BMPR1B: variants seen among roughly 807,000 people sequenced by gnomAD.
BMPR1B encodes bone morphogenetic protein receptor type 1B.
A neutral mutation model predicts 59.1 loss-of-function variants in BMPR1B; 12 were observed. The observed-to-expected ratio is 0.20, with a 90% CI of 0.13 to 0.33. BMPR1B has a LOEUF of 0.33. Ranked by LOEUF, BMPR1B falls within the 10% of genes least tolerant of loss-of-function variation. BMPR1B has a pLI of 1.00. For synonymous variants in BMPR1B, 237 were observed against 207.3 expected (o/e 1.14, Z -1.23); for missense variants, 550 against 610.9 (o/e 0.90, Z 1.05).
intron 4 of BMPR1B, among the ~76,000 whole-genome samples, chr4:95,110,691 G>A (rs1390063550): frequency 6.6e-6 from 1 of 152,136 alleles, no homozygotes; most frequent in African/African-American, 2.4e-5. Context: ...TATGATGTCT[G>A]TCCCTATTCC....
intron 2 of BMPR1B, among the ~76,000 whole-genome samples, chr4:94,976,700 C>G (rs979722806): frequency 6.6e-6 from 1 of 152,200 alleles, no homozygotes; most frequent in Non-Finnish European, 1.5e-5. Flanking sequence ...ATCTGCCTTT[C>G]ACACACTAAA....
chr4:95,148,985 G>C, intron 11 of BMPR1B, 62 bp downstream of exon 11: 1 of 1,589,464 alleles, frequency 6.3e-7, no homozygotes. Flanking sequence ...CTTTCTTTCT[G>C]ATCAGAAATC....
intron 1 of BMPR1B, among the ~76,000 whole-genome samples, chr4:94,799,755 A>G (rs1027048351): frequency 1.3e-5 from 2 of 151,448 alleles, no homozygotes; most frequent in Admixed American, 1.3e-4. Context: ...CAGTGGCGCA[A>G]TTTCGGCTCA....
chr4:94,777,177 A>T lies in BMPR1B; in HGVS notation c.-183+19109A>T, dbSNP rs376544667. 9.2e-5 allele frequency among the ~76,000 whole-genome samples: 14 copies of T among 152,198 alleles called. No homozygotes were observed. In the South Asian group the frequency reaches 1.7e-3, roughly 18 times the overall value. Reference sequence around the variant, plus strand: ...CCAGTTGCTTTCCAGTCATCATTCTAATTTACAATTCTACCAGCAGAGTAT... The same window carrying T: ...CCAGTTGCTTTCCAGTCATCATTCTTATTTACAATTCTACCAGCAGAGTAT... On this transcript the variant is annotated intron_variant, in intron 1 of 12. Transcript: ENST00000515059.
intron 3 of BMPR1B, among the ~76,000 whole-genome samples, chr4:95,016,317 C>T (rs912561502): frequency 1.3e-5 from 2 of 152,062 alleles, no homozygotes; most frequent in Non-Finnish European, 2.9e-5. Flanking sequence ...CTGCGTAACT[C>T]AGTGGGCTGA....
chr4:95,070,347 C>T (rs1333350651), intron 3 of BMPR1B, among the ~76,000 whole-genome samples: 3 of 151,900 alleles, frequency 2.0e-5, no homozygotes, highest in South Asian at 2.1e-4. Flanking sequence ...TTGGGCATAG[C>T]GAATATAAGA....
At chr4:95,008,201 G>T (rs1312255688) in intron 3 of BMPR1B, among the ~76,000 whole-genome samples, 1 of 152,186 alleles carries the variant, frequency 6.6e-6, no homozygotes, top group Non-Finnish European at 1.5e-5. Flanking sequence ...GTCTCATACT[G>T]TACGGGGAAA....
At chr4:95,138,130 T>A (rs1462587413) in intron 10 of BMPR1B, among the ~76,000 whole-genome samples, 1 of 152,158 alleles carries the variant, frequency 6.6e-6, no homozygotes, top group Non-Finnish European at 1.5e-5. Flanking sequence ...AGCATTTGCT[T>A]GTCTGTAAAG....
At chr4:95,153,494 C>T (rs368058445) in intron 12 of BMPR1B, among the ~76,000 whole-genome samples, 145 of 152,174 alleles carry the variant, frequency 9.5e-4, no homozygotes, top group African/African-American at 3.4e-3. Context: ...TCTTATCAAA[C>T]GTACCAAAGC....
intron 1 of BMPR1B, among the ~76,000 whole-genome samples, chr4:94,818,235 G>A: frequency 6.6e-6 from 1 of 152,124 alleles, no homozygotes; most frequent in East Asian, 1.9e-4. Context: ...TAGTATTCTA[G>A]GATGTTATTT....
chr4:95,028,072 G>A (rs892199935), intron 3 of BMPR1B, among the ~76,000 whole-genome samples: 2 of 152,128 alleles, frequency 1.3e-5, no homozygotes, highest in African/African-American at 4.8e-5. Flanking sequence ...AGACAATGAG[G>A]CACTAGCATT....
intron 12 of BMPR1B, among the ~76,000 whole-genome samples, chr4:95,154,334 A>C (rs1463241636): frequency 6.6e-6 from 1 of 152,224 alleles, no homozygotes. Context: ...CAGCAGAACC[A>C]CCTGCTTGTT....
chr4:95,123,683 G>T, intron 6 of BMPR1B, 127 bp from the exon 7 acceptor site: 1 of 729,276 alleles, frequency 1.4e-6, no homozygotes, highest in Non-Finnish European at 2.3e-6. Flanking sequence ...AAAATTAATT[G>T]GTATGTGAAA....
chr4:94,789,114 G>C (rs993449230), intron 1 of BMPR1B, among the ~76,000 whole-genome samples: 5 of 152,166 alleles, frequency 3.3e-5, no homozygotes, highest in African/African-American at 1.2e-4. Flanking sequence ...CTGGAAGTAA[G>C]AGGAGGTTAA....
chr4:95,122,220 T>G (rs1175428774), intron 6 of BMPR1B, among the ~76,000 whole-genome samples: 1 of 151,900 alleles, frequency 6.6e-6, no homozygotes, highest in Non-Finnish European at 1.5e-5. Flanking sequence ...ACCTGTGATC[T>G]CAACTACTCA....
intron 1 of BMPR1B, among the ~76,000 whole-genome samples, chr4:94,760,799 T>G (rs1721734148): frequency 6.6e-6 from 1 of 152,242 alleles, no homozygotes; most frequent in African/African-American, 2.4e-5. Context: ...TGATAGATAC[T>G]CAAGAAATCC....
At chr4:94,775,476 T>A (rs943247984) in intron 1 of BMPR1B, among the ~76,000 whole-genome samples, 1 of 152,236 alleles carries the variant, frequency 6.6e-6, no homozygotes, top group Non-Finnish European at 1.5e-5. Context: ...TTTCCTTTTT[T>A]TCCAATTTAA....
chr4:95,012,498 T>G (rs1182653893), intron 3 of BMPR1B, among the ~76,000 whole-genome samples: 1 of 152,192 alleles, frequency 6.6e-6, no homozygotes, highest in African/African-American at 2.4e-5. Flanking sequence ...GAGAAATTGA[T>G]TCTTGATATA....
At chr4:94,815,659 G>A (rs996357789) in intron 1 of BMPR1B, among the ~76,000 whole-genome samples, 1 of 152,172 alleles carries the variant, frequency 6.6e-6, no homozygotes, top group African/African-American at 2.4e-5. Context: ...ATCACACGTG[G>A]CTAGATGTGT....
Sources: gnomAD v4.1 joint callset for allele counts (sites outside exome capture counted in the v4.1 genomes callset) on GRCh38, gnomAD v4.1.1 for gene constraint, MANE v1.5 for transcripts, NCBI Gene and HGNC (gene_info 2026-07-23, HGNC 2026-07-21) for gene names.